The following ZBED3 variants were observed in gnomAD, a reference collection of about 807,000 sequenced individuals.
ZBED3 encodes zinc finger BED-type containing 3, also known as zinc finger BED domain-containing protein 3.
For missense variants in ZBED3, 388 were observed against 362.9 expected, an observed-to-expected ratio of 1.07 and a Z score of -0.56; for synonymous variants, 175 against 180.0, an observed-to-expected ratio of 0.97 and a Z score of 0.22.
chr5:77,085,991 C>T (rs1239278940), intron 1 of ZBED3, among the ~76,000 whole-genome samples: 1 of 152,192 alleles, frequency 6.6e-6, no homozygotes, highest in Non-Finnish European at 1.5e-5. Flanking sequence ...TGGCATAAGC[C>T]AAACTCTTAG....
chr5:77,085,066 C>T (rs573359075), intron 1 of ZBED3, among the ~76,000 whole-genome samples: 1 of 152,252 alleles, frequency 6.6e-6, no homozygotes, highest in South Asian at 2.1e-4. Flanking sequence ...TTTGAGTATC[C>T]ATTATTTGGA....
In ZBED3 at chr5:77,073,830, G is replaced by C. The variant is rs942970944; in HGVS notation, c.*3344C>G. On this transcript the variant is annotated 3_prime_UTR_variant, in exon 3 of 3. Transcript: ENST00000255198. ...CTACGGAATGCAAGGCACTGTAGGA[G>C]TAGGGTGAGTATACTCCCCACAAGG... The C allele has an allele frequency of 1.3e-5, 2 of 152,232 alleles. No homozygotes were observed. Among genetic ancestry groups the C allele is most frequent in the East Asian group, 3.8e-4 (2 of 5,198 alleles). 9.4% of individuals were successfully genotyped at this position (152,232 alleles called of 1,614,324 possible). A position where few individuals can be genotyped will look rare whatever the true frequency, so the allele number is the denominator to read the frequency against.
chr5:77,077,193 A>G lies in ZBED3; in HGVS notation c.686T>C (p.Ile229Thr), dbSNP rs1388449812. Residue 229 changes from isoleucine to threonine, a missense_variant, in exon 3 of 3, where the codon ATC becomes ACC. Coordinates refer to ENST00000255198, the MANE Select transcript of ZBED3 (RefSeq NM_032367.4). ...ACACCCCTACAGGAGGACCTTTGTG[A>G]TGACGCAGCCGTCCCTGTCACCCTC... ...DPEGDRDGCV[I>T]TKVLL The G allele has an allele frequency of 1.3e-6, 2 of 1,496,750 alleles. No individual in the cohort carries two copies. Among genetic ancestry groups the G allele is most frequent in the East Asian group, 5.5e-5 (2 of 36,084 alleles). 92.7% of individuals were successfully genotyped at this position (1,496,750 alleles called of 1,614,324 possible).
intron 1 of ZBED3, among the ~76,000 whole-genome samples, chr5:77,084,816 C>T (rs1301706987): frequency 6.6e-6 from 1 of 152,216 alleles, no homozygotes; most frequent in Non-Finnish European, 1.5e-5. Context: ...TAGTACTCGA[C>T]TCTAATGAAG....
intron 1 of ZBED3, among the ~76,000 whole-genome samples, chr5:77,086,526 C>T (rs887847771): frequency 6.6e-6 from 1 of 151,280 alleles, no homozygotes; most frequent in African/African-American, 2.4e-5. Context: ...TATTTTTTTC[C>T]TTCAAGGGGG....
At position 77,074,671 on chromosome 5, in the gene ZBED3, GAATT is replaced by G. The variant is rs776865324; in HGVS notation, c.*2499_*2502del. On this transcript the variant is annotated 3_prime_UTR_variant, in exon 3 of 3. Transcript: ENST00000255198. The stretch of plus-strand genomic sequence containing the variant: ...TAATTCCAGTCAATTCCATTAACTG[GAATT>G]AATTAGTTGGAGTTAGGAAGGAAAC... 10 of 152,184 alleles carry G rather than the reference GAATT, an allele frequency of 6.6e-5. No individual in the cohort carries two copies. The highest frequency in any genetic ancestry group is 2.0e-4 in the Admixed American group (3 of 15,276). 9.4% of individuals were successfully genotyped at this position (152,184 alleles called of 1,614,324 possible).
rs2150739263 is a variant in ZBED3 at position 77,075,431 on chromosome 5, A to AT, written c.*1742dup. 1 of 152,328 alleles carries AT rather than the reference A, an allele frequency of 6.6e-6. No individual in the cohort carries two copies. Among genetic ancestry groups the AT allele is most frequent in the East Asian group, 1.9e-4 (1 of 5,186 alleles). The allele number at this position is 152,328 out of a possible 1,614,324, so 9.4% of individuals were successfully genotyped here. A position where few individuals can be genotyped will look rare whatever the true frequency, so the allele number is the denominator to read the frequency against. ...GTTGAATACTGATTAAGGGCTCTGT[A>AT]TTAGAGGCTATAAAGAAGTTACTGT... On this transcript the variant is annotated 3_prime_UTR_variant, in exon 3 of 3. Transcript: ENST00000255198.
At chr5:77,084,121 C>T (rs1743185214) in intron 1 of ZBED3, among the ~76,000 whole-genome samples, 1 of 152,196 alleles carries the variant, frequency 6.6e-6, no homozygotes, top group East Asian at 1.9e-4. Context: ...CAGGTGCGTG[C>T]TTTCTGCCAA....
chr5:77,085,224 TATAAAGA>T (rs572462269), intron 1 of ZBED3, among the ~76,000 whole-genome samples: 5 of 152,302 alleles, frequency 3.3e-5, no homozygotes, highest in African/African-American at 9.6e-5. Context: ...TGAATACCAA[TATAAAGA>T]ATAAAGGAAG....
At position 77,077,109 on chromosome 5, in the gene ZBED3, G is replaced by C; in HGVS notation, c.*65C>G. On this transcript the variant is annotated 3_prime_UTR_variant, in exon 3 of 3. Coordinates refer to ENST00000255198, the MANE Select transcript of ZBED3 (RefSeq NM_032367.4). ...CTTCGGTTACGGCTTCGGTCCCAGCGGGGTCTGAAGGCATTGGCATTGGAC... is the reference window on the plus strand; with the variant it reads ...CTTCGGTTACGGCTTCGGTCCCAGCCGGGTCTGAAGGCATTGGCATTGGAC... 1.7e-6 allele frequency: 2 copies of C among 1,196,820 alleles called. No homozygotes were observed. Among genetic ancestry groups the C allele is most frequent in the South Asian group, 2.7e-5 (1 of 37,484 alleles). 74.1% of individuals were successfully genotyped at this position (1,196,820 alleles called of 1,614,324 possible).
rs1378452097 is a variant in ZBED3, at chr5:77,072,920, C to T, written c.*4254G>A. ...CTCCTGACAGTGGACAAGTCACTCTCTAGAACCTATTTTCCTAATCTATCA... is the reference window on the plus strand; with the variant it reads ...CTCCTGACAGTGGACAAGTCACTCTTTAGAACCTATTTTCCTAATCTATCA... On this transcript the variant is annotated 3_prime_UTR_variant, in exon 3 of 3. Transcript: ENST00000255198. The T allele has an allele frequency of 6.6e-6, 1 of 152,144 alleles. No individual in the cohort carries two copies. The highest frequency in any genetic ancestry group is 1.5e-5 in the Non-Finnish European group (1 of 68,018). The allele number at this position is 152,144 out of a possible 1,614,324, so 9.4% of individuals were successfully genotyped here. A position where few individuals can be genotyped will look rare whatever the true frequency, so the allele number is the denominator to read the frequency against.
Position 77,075,368 on chromosome 5 carries a change from TGTC to T in ZBED3, c.*1803_*1805del, listed in dbSNP as rs1308706386. 4 of 152,212 alleles carry T rather than the reference TGTC, an allele frequency of 2.6e-5. No individual in the cohort carries two copies. The highest frequency in any genetic ancestry group is 2.6e-4 in the Admixed American group (4 of 15,288). The allele number at this position is 152,212 out of a possible 1,614,324, so 9.4% of individuals were successfully genotyped here. A position where few individuals can be genotyped will look rare whatever the true frequency, so the allele number is the denominator to read the frequency against. On this transcript the variant is annotated 3_prime_UTR_variant, in exon 3 of 3. Transcript: ENST00000255198. The stretch of plus-strand genomic sequence containing the variant: ...ATGAACCTTGATGGGACCTGGTTGT[TGTC>T]GTTGTTTTTAAAGACAAACATTCTG...
In ZBED3 at chr5:77,077,787, G is replaced by T. The variant is rs1181801448; in HGVS notation, c.92C>A (p.Pro31Gln). ...ARGGQCPGLGPAPTPTPPGRL... is the reference protein window; with the variant it reads ...ARGGQCPGLGQAPTPTPPGRL... ...GCCGGGAGGCGTCGGCGTCGGCGCC[G>T]GCCCCAGTCCCGGACACTGACCGCC... Residue 31 changes from proline to glutamine, a missense_variant, in exon 3 of 3, where the codon CCG becomes CAG. Transcript: ENST00000255198. 7.6e-7 allele frequency: 1 copy of T among 1,317,642 alleles called. No homozygotes were observed. 81.6% of individuals were successfully genotyped at this position (1,317,642 alleles called of 1,614,324 possible).
chr5:77,086,041 T>C (rs561565145), intron 1 of ZBED3, among the ~76,000 whole-genome samples: 1 of 152,378 alleles, frequency 6.6e-6, no homozygotes, highest in Non-Finnish European at 1.5e-5. Context: ...AAGCACTCTC[T>C]CTCTCTATTA....
chr5:77,080,664 G>A (rs1344788422), intron 1 of ZBED3: 2 of 508,338 alleles, frequency 3.9e-6, no homozygotes, highest in Non-Finnish European at 7.8e-6. Flanking sequence ...TAACAGCCTG[G>A]TTAGCTGAGC....
Position 77,077,714 on chromosome 5 carries a change from C to A in ZBED3, c.165G>T (p.Ala55=), listed in dbSNP as rs897087111. 10 of 1,348,756 alleles carry A rather than the reference C, an allele frequency of 7.4e-6. No homozygotes were observed. The African/African-American group carries it at 1.4e-4, about 19-fold the overall frequency. The allele number at this position is 1,348,756 out of a possible 1,614,324, so 83.5% of individuals were successfully genotyped here. ...CCGACGGATGCCCGGGGCGCCCCGG[C>A]GCCAGGTGGAAGTAGCCCCAGGCCT... ...YSEAWGYFHL[A]PGRPGHPSGH... Residue 55 remains alanine (A), a synonymous_variant, in exon 3 of 3, where the codon GCG becomes GCT. Transcript: ENST00000255198.
chr5:77,080,648 A>T (rs959085705), intron 1 of ZBED3: 4 of 508,742 alleles, frequency 7.9e-6, no homozygotes, highest in African/African-American at 7.8e-5. Flanking sequence ...CTATGGCCAC[A>T]GGCCGTAACA....
Position 77,076,688 on chromosome 5 carries a change from C to A in ZBED3, c.*486G>T, listed in dbSNP as rs889800399. ...TGTTGGGCAGATTATGCATTAGGAA[C>A]TCTTTTTTTTTTTTTTTTGGGTAAA... On this transcript the variant is annotated 3_prime_UTR_variant, in exon 3 of 3. Coordinates refer to ENST00000255198, the MANE Select transcript of ZBED3 (RefSeq NM_032367.4). 1 of 97,264 alleles carries A rather than the reference C, an allele frequency of 1.0e-5. No individual in the cohort carries two copies. The allele number at this position is 97,264 out of a possible 1,614,324, so 6.0% of individuals were successfully genotyped here. A position where few individuals can be genotyped will look rare whatever the true frequency, so the allele number is the denominator to read the frequency against.
At chr5:77,085,832 G>A (rs1304066511) in intron 1 of ZBED3, among the ~76,000 whole-genome samples, 2 of 152,212 alleles carry the variant, frequency 1.3e-5, no homozygotes, top group Non-Finnish European at 2.9e-5. Flanking sequence ...GAAGTTAAAA[G>A]ACAAGTAAAA....
Sources: gnomAD v4.1 joint callset for allele counts (sites outside exome capture counted in the v4.1 genomes callset) on GRCh38, gnomAD v4.1.1 for gene constraint, MANE v1.5 for transcripts, NCBI Gene and HGNC (gene_info 2026-07-23, HGNC 2026-07-21) for gene names.